CNDP1: variants seen among roughly 807,000 people sequenced by gnomAD.
CNDP1 encodes the protein beta-Ala-His dipeptidase.
Under a neutral mutation model 58.1 loss-of-function variants are expected in CNDP1, and 44 were observed. That is an observed-to-expected ratio of 0.76 (90% confidence interval 0.60 to 0.97). CNDP1 has a LOEUF of 0.97. Among genes scored for constraint, CNDP1 ranks in the 50% least tolerant of loss-of-function variants. The pLI, the probability that CNDP1 is intolerant of heterozygous loss-of-function variation, is 0.00. For missense variants in CNDP1, 616 were observed against 655.1 expected, an observed-to-expected ratio of 0.94 and a Z score of 0.65; for synonymous variants, 254 against 252.6, an observed-to-expected ratio of 1.01 and a Z score of -0.05.
At position 74,584,616 on chromosome 18, in the gene CNDP1, A is replaced by C; in HGVS notation, c.*54A>C. 7 of 1,307,910 alleles carry C rather than the reference A, an allele frequency of 5.4e-6. No individual in the cohort carries two copies. The highest frequency in any genetic ancestry group is 7.8e-6 in the Non-Finnish European group (7 of 900,976). The allele number at this position is 1,307,910 out of a possible 1,614,324, so 81.0% of individuals were successfully genotyped here. On this transcript the variant is annotated 3_prime_UTR_variant, in exon 12 of 12. Coordinates refer to ENST00000358821, the MANE Select transcript of CNDP1 (RefSeq NM_032649.6). ...CCACTGACAGATTCACCTCCCCCAC[A>C]TCCCTAGACAGGGATGGAATGTAAA...
chr18:74,553,331 A>G (rs1568293846), intron 1 of CNDP1, among the ~76,000 whole-genome samples: 2 of 152,180 alleles, frequency 1.3e-5, no homozygotes, highest in Non-Finnish European at 2.9e-5. Context: ...CTAAGAAACC[A>G]TCACCTCATC....
At chr18:74,546,798 A>G (rs1252868369) in intron 1 of CNDP1, among the ~76,000 whole-genome samples, 2 of 152,204 alleles carry the variant, frequency 1.3e-5, no homozygotes, top group Non-Finnish European at 2.9e-5. Context: ...GATCCTAGCG[A>G]ACTGGGTAAA....
In CNDP1 at chr18:74,560,864, T is replaced by C; in HGVS notation, c.312T>C (p.Asp104=). The change falls in exon 4 of 12, where the codon GAT becomes GAC. Residue 104 remains aspartate, a synonymous_variant. Transcript: ENST00000358821. ...SVDMGPQQLP[D]GQSLPIPPVI... ...TCCTGATCATTCTGCAGCTGCCCGA[T>C]GGTCAGAGTCTTCCAATACCTCCCG... 2 of 1,612,430 alleles carry C rather than the reference T, an allele frequency of 1.2e-6. No homozygotes were observed. Among genetic ancestry groups the C allele is most frequent in the African/African-American group, 1.3e-5 (1 of 75,028 alleles).
At chr18:74,566,410 C>T (rs938201987) in intron 5 of CNDP1, among the ~76,000 whole-genome samples, 2 of 152,222 alleles carry the variant, frequency 1.3e-5, no homozygotes, top group Non-Finnish European at 2.9e-5. Context: ...CTCTTAAGGT[C>T]TGTTTCCCTT....
rs1248391517 is a variant in CNDP1 at position 74,584,473 on chromosome 18, CTCTT to C, written c.1458-21_1458-18del. On this transcript the variant is annotated intron_variant, in intron 11 of 11. Transcript: ENST00000358821. Reference sequence around the variant, plus strand: ...TTGAATGGAAATTGTAACAAAATTTCTCTTTGTTTTTCCTCTTCTTAGGTGGAAC... The same window carrying C: ...TTGAATGGAAATTGTAACAAAATTTCTGTTTTTCCTCTTCTTAGGTGGAAC... 19 of 1,564,194 alleles carry C rather than the reference CTCTT, an allele frequency of 1.2e-5. No homozygotes were observed. Among genetic ancestry groups the C allele is most frequent in the Admixed American group, 1.7e-5 (1 of 59,580 alleles).
In CNDP1 at chr18:74,545,628, T is replaced by C. The variant is rs182119694; in HGVS notation, c.25-10710T>C. Among the ~76,000 whole-genome samples, 669 of 152,134 alleles carry C rather than the reference T, an allele frequency of 4.4e-3. 2 individuals are homozygous for C. Among genetic ancestry groups the C allele is most frequent in the Non-Finnish European group, 5.9e-3 (404 of 67,976 alleles). ...CCCTCCTCTGTCCCCAGTCCACGTC[T>C]CTCTCAACTCCCCACTCCCTCCGAC... On this transcript the variant is annotated intron_variant, in intron 1 of 11. Coordinates refer to ENST00000358821, the MANE Select transcript of CNDP1 (RefSeq NM_032649.6). The surrounding 1 kb of genome is among the most constrained non-coding windows in gnomAD (Gnocchi z 4.1).
At chr18:74,573,433 T>TCCATTCATCCATCCATCC (rs1981544924) in intron 7 of CNDP1, among the ~76,000 whole-genome samples, 1 of 143,308 alleles carries the variant, frequency 7.0e-6, no homozygotes, top group Non-Finnish European at 1.5e-5. Context: ...TCCATCCAAC[T>TCCATTCATCCATCCATCC]ATCTATCTAT....
At chr18:74,550,474 C>T (rs1284589481) in intron 1 of CNDP1, among the ~76,000 whole-genome samples, 2 of 151,966 alleles carry the variant, frequency 1.3e-5, no homozygotes, top group Admixed American at 6.6e-5. Context: ...TTTACAGGCT[C>T]ATAGGTGAGA....
chr18:74,537,636 AG>A (rs1179902353), intron 1 of CNDP1, among the ~76,000 whole-genome samples: 4 of 152,222 alleles, frequency 2.6e-5, no homozygotes, highest in African/African-American at 9.6e-5. Flanking sequence ...CAGGATGCAG[AG>A]GGGGCTCTGT....
intron 10 of CNDP1, among the ~76,000 whole-genome samples, chr18:74,580,702 T>C (rs1388555498): frequency 6.6e-6 from 1 of 152,168 alleles, no homozygotes; most frequent in Non-Finnish European, 1.5e-5. Context: ...GTGTGATGGC[T>C]CAAGCTTATA....
chr18:74,537,594 G>C (rs1464196473), intron 1 of CNDP1, among the ~76,000 whole-genome samples: 1 of 152,138 alleles, frequency 6.6e-6, no homozygotes, highest in Non-Finnish European at 1.5e-5. Context: ...TGTGGCCCAG[G>C]GGGACTGGAT....
Position 74,580,273 on chromosome 18 carries a change from T to A in CNDP1, c.1309+2T>A. The A allele has an allele frequency of 1.9e-6, 3 of 1,614,048 alleles. No individual in the cohort carries two copies. Among genetic ancestry groups the A allele is most frequent in the Non-Finnish European group, 2.5e-6 (3 of 1,179,918 alleles). ...CAGCAAAAAGAGCGATCAGAACAGG[T>A]GGGACCTTAAGATCTTCTGACTGGC... On this transcript the variant is annotated splice_donor_variant, in intron 10 of 11. Coordinates refer to ENST00000358821, the MANE Select transcript of CNDP1 (RefSeq NM_032649.6). LOFTEE classifies it high-confidence loss of function.
intron 1 of CNDP1, among the ~76,000 whole-genome samples, chr18:74,535,253 G>C (rs986734443): frequency 6.6e-6 from 1 of 152,204 alleles, no homozygotes. Context: ...AGGTTTTGTG[G>C]GGTTGTGTTC....
chr18:74,565,363 A>G (rs1981301323), intron 5 of CNDP1, among the ~76,000 whole-genome samples: 1 of 152,214 alleles, frequency 6.6e-6, no homozygotes, highest in Non-Finnish European at 1.5e-5. Flanking sequence ...GTCTTAACTC[A>G]TTTCAGCATT....
Position 74,576,957 on chromosome 18 carries a change from C to G in CNDP1, c.930C>G (p.Tyr310Ter). Residue 310 changes from tyrosine to a stop codon, truncating the protein, a stop_gained, in exon 8 of 12, where the codon TAC becomes TAG. Transcript: ENST00000358821. LOFTEE classifies it high-confidence loss of function. ...VPLTEEEINT[Y>*]KAIHLDLEEY... ...TTACAGAAGAGGAAATAAATACATA[C>G]AAAGCCATCCATCTAGACCTAGAAG... 1 of 1,613,698 alleles carries G rather than the reference C, an allele frequency of 6.2e-7. No individual in the cohort carries two copies. The highest frequency in any genetic ancestry group is 1.3e-5 in the African/African-American group (1 of 75,030).
chr18:74,553,179 C>G (rs551236237), intron 1 of CNDP1, among the ~76,000 whole-genome samples: 1 of 152,204 alleles, frequency 6.6e-6, no homozygotes, highest in South Asian at 2.1e-4. Context: ...AACATAAGTC[C>G]TTTATCAGAT....
rs79108970 is a variant in CNDP1 at position 74,549,796 on chromosome 18, C to A, written c.25-6542C>A. 5.6e-4 allele frequency among the ~76,000 whole-genome samples: 85 copies of A among 152,316 alleles called. No individual in the cohort carries two copies. In the East Asian group the frequency reaches 0.015, roughly 27 times the overall value. On this transcript the variant is annotated intron_variant, in intron 1 of 11. Coordinates refer to ENST00000358821, the MANE Select transcript of CNDP1 (RefSeq NM_032649.6). Reference sequence around the variant, plus strand: ...AGGAGGACTAAATGGTTCCATGGGCCAGACCTGGGACAGCACTGCTCTGTA... The same window carrying A: ...AGGAGGACTAAATGGTTCCATGGGCAAGACCTGGGACAGCACTGCTCTGTA...
chr18:74,561,454 A>G (rs1981196629), intron 4 of CNDP1: 1 of 154,590 alleles, frequency 6.5e-6, no homozygotes, highest in Non-Finnish European at 1.4e-5. Context: ...GGCGGCTCTC[A>G]AAGTCTACCG....
At chr18:74,551,688 C>T (rs1182503724) in intron 1 of CNDP1, among the ~76,000 whole-genome samples, 1 of 152,108 alleles carries the variant, frequency 6.6e-6, no homozygotes, top group Non-Finnish European at 1.5e-5. Flanking sequence ...GCTGCTCTCC[C>T]CAGGCCAGAG....
Sources: gnomAD v4.1 joint callset for allele counts (sites outside exome capture counted in the v4.1 genomes callset) on GRCh38, gnomAD v4.1.1 for gene constraint, Gnocchi (gnomAD v3.1) non-coding constraint, MANE v1.5 for transcripts, NCBI Gene and HGNC (gene_info 2026-07-23, HGNC 2026-07-21) for gene names.